DPF3: variants seen among roughly 807,000 people sequenced by gnomAD.
The protein encoded by DPF3 is double PHD fingers 3, also known as zinc finger protein DPF3.
Under a neutral mutation model 56.8 loss-of-function variants are expected in DPF3, and 18 were observed. The observed-to-expected ratio is 0.32, with a 90% CI of 0.22 to 0.47. The LOEUF is 0.47. Ranked by LOEUF, DPF3 falls within the 20% of genes least tolerant of loss-of-function variation. The pLI is 1.00. For missense variants in DPF3, 403 were observed against 488.8 expected (o/e 0.82, Z 1.65); for synonymous variants, 188 against 180.2 (o/e 1.04, Z -0.35).
chr14:72,756,877 G>A (rs999172400), intron 2 of DPF3, among the ~76,000 whole-genome samples: 4,132 of 62,908 alleles, frequency 0.066, 29 homozygotes, highest in Non-Finnish European at 0.079. Flanking sequence ...AGAAAGGAAG[G>A]AAAGAAGGAA....
chr14:72,830,639 A>G lies in DPF3; in HGVS notation c.33-58746T>C, dbSNP rs867488704. ...ACGCACTTAGCATGTGACCATCGGG[A>G]ACGGAAGTATGACATTATTAACATT... On this transcript the variant is annotated intron_variant, in intron 1 of 10. Transcript: ENST00000556509. Among the ~76,000 whole-genome samples the G allele has an allele frequency of 5.3e-5, 8 of 152,326 alleles. No homozygotes were observed. The South Asian group carries it at 1.2e-3, about 24-fold the overall frequency.
intron 7 of DPF3, among the ~76,000 whole-genome samples, chr14:72,684,277 G>A (rs1887303995): frequency 6.6e-6 from 1 of 152,016 alleles, no homozygotes; most frequent in South Asian, 2.1e-4. Context: ...GAACTCCTGA[G>A]CTCAAGAAAT....
chr14:72,710,918 A>G (rs1680493219), intron 6 of DPF3, among the ~76,000 whole-genome samples: 1 of 152,260 alleles, frequency 6.6e-6, no homozygotes, highest in South Asian at 2.1e-4. Flanking sequence ...AATCATGTTC[A>G]GGTGATTTAA....
chr14:72,816,986 C>A (rs576085000), intron 1 of DPF3, among the ~76,000 whole-genome samples: 1 of 152,204 alleles, frequency 6.6e-6, no homozygotes, highest in Non-Finnish European at 1.5e-5. Context: ...CATCTGCCCC[C>A]CTCTGAAGCT....
At chr14:72,623,932 G>C (rs1884634930) in intron 9 of DPF3, among the ~76,000 whole-genome samples, 1 of 152,094 alleles carries the variant, frequency 6.6e-6, no homozygotes, top group Admixed American at 6.5e-5. Flanking sequence ...TACAAAGTAA[G>C]GAAGCTATCA....
intron 1 of DPF3, among the ~76,000 whole-genome samples, chr14:72,808,388 G>A (rs998138816): frequency 1.2e-4 from 18 of 152,126 alleles, no homozygotes; most frequent in Non-Finnish European, 2.2e-4. Context: ...AAACAAGCAG[G>A]ACATTTCGAA....
chr14:72,777,826 A>T (rs1891806901), intron 1 of DPF3, among the ~76,000 whole-genome samples: 1 of 152,146 alleles, frequency 6.6e-6, no homozygotes, highest in African/African-American at 2.4e-5. Context: ...AGGGCTCCCC[A>T]GAAGCCAAGC....
rs944711393 is a variant in DPF3 at position 72,856,070 on chromosome 14, T to A, written c.32+37987A>T. On this transcript the variant is annotated intron_variant, in intron 1 of 10. Coordinates refer to ENST00000556509, the MANE Select transcript of DPF3 (RefSeq NM_001280542.3). Reference sequence around the variant, plus strand: ...CATTAAACATTTCTGTGGCCTGGCCTGTGCTTTGGGCTTTCCCAGAGCTGT... The same window carrying A: ...CATTAAACATTTCTGTGGCCTGGCCAGTGCTTTGGGCTTTCCCAGAGCTGT... Among the ~76,000 whole-genome samples the A allele has an allele frequency of 6.9e-4, 105 of 152,248 alleles. 2 individuals carry two copies. Among genetic ancestry groups the A allele is most frequent in the Non-Finnish European group, 5.9e-5 (4 of 68,046 alleles).
intron 8 of DPF3, among the ~76,000 whole-genome samples, chr14:72,672,404 G>C (rs1255288984): frequency 6.6e-6 from 1 of 152,142 alleles, no homozygotes; most frequent in Admixed American, 6.5e-5. Flanking sequence ...GGACCGTAGG[G>C]AGGCTCCAGA....
At chr14:72,628,438 T>C (rs904698453) in intron 9 of DPF3, among the ~76,000 whole-genome samples, 4 of 152,130 alleles carry the variant, frequency 2.6e-5, no homozygotes, top group African/African-American at 9.7e-5. Flanking sequence ...ATTGGGCAAG[T>C]TTATCTTCCT....
chr14:72,818,959 A>G (rs892144745), intron 1 of DPF3, among the ~76,000 whole-genome samples: 3 of 152,380 alleles, frequency 2.0e-5, no homozygotes, highest in Non-Finnish European at 2.9e-5. Flanking sequence ...ATACATGTAC[A>G]TACATACATA....
At chr14:72,737,209 AC>A (rs200027712) in intron 3 of DPF3, among the ~76,000 whole-genome samples, 2,652 of 150,272 alleles carry the variant, frequency 0.018, 41 homozygotes, top group Non-Finnish European at 0.026. Flanking sequence ...AAACAAACAA[AC>A]AAAAAAAACC....
At chr14:72,847,889 T>C (rs983794357) in intron 1 of DPF3, among the ~76,000 whole-genome samples, 9 of 152,226 alleles carry the variant, frequency 5.9e-5, no homozygotes, top group African/African-American at 1.4e-4. Context: ...CCAAACTACA[T>C]TTCCCAACAT....
chr14:72,807,946 C>A (rs111998581), intron 1 of DPF3, among the ~76,000 whole-genome samples: 4,586 of 152,260 alleles, frequency 0.03, 243 homozygotes, highest in African/African-American at 0.1. Context: ...GCCTGGGCGA[C>A]AGAGCAAGAA....
chr14:72,843,461 G>A (rs1418778225), intron 1 of DPF3, among the ~76,000 whole-genome samples: 1 of 152,220 alleles, frequency 6.6e-6, no homozygotes, highest in Non-Finnish European at 1.5e-5. Flanking sequence ...AGATGGAAAA[G>A]ATTCACTGTG....
chr14:72,820,087 T>C (rs536112367), intron 1 of DPF3, among the ~76,000 whole-genome samples: 113 of 152,352 alleles, frequency 7.4e-4, no homozygotes, highest in African/African-American at 2.6e-3. Context: ...TGTGGTTACA[T>C]GGGTATACAC....
chr14:72,620,875 G>A (rs144927071), intron 9 of DPF3, among the ~76,000 whole-genome samples: 12 of 152,294 alleles, frequency 7.9e-5, no homozygotes, highest in African/African-American at 2.2e-4. Context: ...GCGCTGTGGC[G>A]CATGCCTGTA....
At chr14:72,730,366 T>C (rs1041642176) in intron 4 of DPF3, among the ~76,000 whole-genome samples, 4 of 152,128 alleles carry the variant, frequency 2.6e-5, no homozygotes, top group Admixed American at 2.6e-4. Context: ...GGGCTGCAGC[T>C]CGTGGAAAAG....
chr14:72,670,767 A>C, intron 8 of DPF3: 1 of 1,025,380 alleles, frequency 9.8e-7, no homozygotes, highest in Non-Finnish European at 1.2e-6. Context: ...TCCTTTTGCC[A>C]ATAAATATGA....
Sources: gnomAD v4.1 joint callset for allele counts (sites outside exome capture counted in the v4.1 genomes callset) on GRCh38, gnomAD v4.1.1 for gene constraint, MANE v1.5 for transcripts, NCBI Gene and HGNC (gene_info 2026-07-23, HGNC 2026-07-21) for gene names.